NF1: variants seen among roughly 807,000 people sequenced by gnomAD.
NF1 encodes the protein neurofibromin.
NF1 carries 122 observed loss-of-function variants against 325.7 expected under a neutral mutation model. The ratio of observed to expected loss-of-function variants is 0.37; its 90% CI spans 0.32 to 0.44. The LOEUF (loss-of-function observed/expected upper bound fraction) is 0.44, where lower values mean the gene tolerates loss of function less well. NF1 is among the 20% of genes least tolerant of loss of function. The pLI is 1.00. For missense variants in NF1, 2,140 were observed against 3,415.4 expected, an observed-to-expected ratio of 0.63 and a Z score of 9.31; for synonymous variants, 1,091 against 1,186.0, an observed-to-expected ratio of 0.92 and a Z score of 1.65.
chr17:31,159,207 G>A (rs1037837281), intron 3 of NF1, 114 bp downstream of exon 3: 5 of 755,958 alleles, frequency 6.6e-6, no homozygotes, highest in South Asian at 1.5e-5. Flanking sequence ...TTTTGTCTGA[G>A]ACATATAAAT....
chr17:31,125,609 T>C (rs1040698237), intron 1 of NF1, among the ~76,000 whole-genome samples: 4 of 152,078 alleles, frequency 2.6e-5, no homozygotes, highest in Non-Finnish European at 4.4e-5. Context: ...CGATCTGGAC[T>C]CACTGCAACC....
intron 1 of NF1, among the ~76,000 whole-genome samples, chr17:31,113,310 C>G (rs1384328962): frequency 6.6e-6 from 1 of 152,172 alleles, no homozygotes; most frequent in African/African-American, 2.4e-5. Flanking sequence ...GGGTCTTGCT[C>G]TGTCCCCTAG....
At chr17:31,180,150 C>CT (rs2066100310) in intron 5 of NF1, among the ~76,000 whole-genome samples, 1 of 152,196 alleles carries the variant, frequency 6.6e-6, no homozygotes, top group Non-Finnish European at 1.5e-5. Context: ...GATGGATTCA[C>CT]AGCCAGATTC....
At chr17:31,156,150 T>C in intron 2 of NF1, 24 bp downstream of exon 2, 1 of 1,612,668 alleles carries the variant, frequency 6.2e-7, no homozygotes, top group Non-Finnish European at 8.5e-7. Context: ...TTACTGTGTT[T>C]TGGGGAATTT....
chr17:31,330,567 T>G, intron 39 of NF1, 69 bp downstream of exon 39: 1 of 1,235,684 alleles, frequency 8.1e-7, no homozygotes, highest in African/African-American at 1.5e-5. Context: ...CCCTTTCATT[T>G]CAGAATTTTC....
chr17:31,211,193 A>G (rs994331763), intron 12 of NF1, among the ~76,000 whole-genome samples: 2 of 152,202 alleles, frequency 1.3e-5, no homozygotes, highest in Non-Finnish European at 2.9e-5. Flanking sequence ...TGGCCAGATC[A>G]CATGTACCAG....
rs148276474 is a variant in NF1, at chr17:31,304,952, T to C, written c.4836-20868T>C. 1.2e-4 allele frequency: 199 copies of C among 1,614,056 alleles called. No individual in the cohort carries two copies. Among genetic ancestry groups the C allele is most frequent in the Non-Finnish European group, 1.6e-4 (183 of 1,180,032 alleles). ...AAGCATTTCCAAAGTACAATGATGA[T>C]TATAGCTACCAACATAGAAGTCAGA... On this transcript the variant is annotated intron_variant, in intron 36 of 57. Coordinates refer to ENST00000358273, the MANE Select transcript of NF1 (RefSeq NM_001042492.3).
chr17:31,270,747 T>C (rs2067878411), intron 36 of NF1, among the ~76,000 whole-genome samples: 1 of 152,222 alleles, frequency 6.6e-6, no homozygotes, highest in African/African-American at 2.4e-5. Flanking sequence ...ATTTCCTAAG[T>C]GCTTTCTCTG....
rs2151429035 is a variant in NF1, at chr17:31,229,135, G to A, written c.2520G>A (p.Met840Ile). 1 of 1,611,858 alleles carries A rather than the reference G, an allele frequency of 6.2e-7. No individual in the cohort carries two copies. Among genetic ancestry groups the A allele is most frequent in the Non-Finnish European group, 8.5e-7 (1 of 1,179,792 alleles). Residue 840 changes from methionine (M) to isoleucine (I), a missense_variant, in exon 21 of 58, where the codon ATG (methionine) becomes ATA (isoleucine). Transcript: ENST00000358273. Reference protein sequence around the residue: ...DTDSLQEWINMTGFLCALGGV... With the variant: ...DTDSLQEWINITGFLCALGGV... ...ACTCCCTACAGGAATGGATCAACAT[G>A]ACTGGCTTCCTTTGTGCCCTTGGGG...
chr17:31,187,112 A>G lies in NF1; in HGVS notation c.888+4447A>G, dbSNP rs28788629. Among the ~76,000 whole-genome samples the G allele has an allele frequency of 7.6e-3, 1,164 of 152,298 alleles. 19 individuals carry two copies. The highest frequency in any genetic ancestry group is 0.027 in the African/African-American group (1,120 of 41,552). On this transcript the variant is annotated intron_variant, in intron 8 of 57. Coordinates refer to ENST00000358273, the MANE Select transcript of NF1 (RefSeq NM_001042492.3). ...CAAAGGCCTTACCCACCATCATGGT[A>G]TTCCACACAGCATTGCCTCTGACCA...
intron 57 of NF1, among the ~76,000 whole-genome samples, chr17:31,370,927 C>A (rs1045469342): frequency 2.6e-5 from 4 of 151,942 alleles, no homozygotes; most frequent in African/African-American, 9.7e-5. Flanking sequence ...AATTACTGGA[C>A]TTGAAACTTG....
At chr17:31,264,782 C>G (rs2067756502) in intron 35 of NF1, among the ~76,000 whole-genome samples, 2 of 152,048 alleles carry the variant, frequency 1.3e-5, no homozygotes, top group Admixed American at 6.5e-5. Flanking sequence ...GATGGACTTT[C>G]AATAAATGGT....
At chr17:31,263,113 AGATAGAT>A (rs2067720509) in intron 35 of NF1, among the ~76,000 whole-genome samples, 1 of 81,578 alleles carries the variant, frequency 1.2e-5, no homozygotes, top group African/African-American at 4.0e-5. Context: ...GTAGGTAGAT[AGATAGAT>A]AGATAAGATA....
At chr17:31,305,722 A>G in intron 36 of NF1, 1 of 1,066,142 alleles carries the variant, frequency 9.4e-7, no homozygotes, top group South Asian at 1.6e-5. Context: ...CCTGGCATAA[A>G]GTAGGTAGAC....
chr17:31,109,573 G>A (rs1028163627), intron 1 of NF1, among the ~76,000 whole-genome samples: 4 of 151,884 alleles, frequency 2.6e-5, no homozygotes, highest in African/African-American at 4.8e-5. Context: ...TAATAGAGAA[G>A]GTGTTTCACT....
At chr17:31,343,758 C>G (rs550495214) in intron 48 of NF1, among the ~76,000 whole-genome samples, 1 of 152,042 alleles carries the variant, frequency 6.6e-6, no homozygotes, top group Non-Finnish European at 1.5e-5. Flanking sequence ...GAGTTCGAGA[C>G]CAGCCTGGGC....
chr17:31,197,451 C>T (rs1412174051), intron 8 of NF1, among the ~76,000 whole-genome samples: 2 of 148,596 alleles, frequency 1.3e-5, no homozygotes, highest in Admixed American at 1.4e-4. Context: ...AATCTAGGAA[C>T]GTGAGATATC....
At chr17:31,182,417 C>A in intron 7 of NF1, 91 bp from the exon 8 acceptor site, 1 of 1,233,386 alleles carries the variant, frequency 8.1e-7, no homozygotes, top group South Asian at 1.3e-5. Context: ...AAAAATGTTG[C>A]CCTTGGGTTT....
At chr17:31,316,692 A>T (rs1379807722) in intron 36 of NF1, among the ~76,000 whole-genome samples, 1 of 152,122 alleles carries the variant, frequency 6.6e-6, no homozygotes, top group African/African-American at 2.4e-5. Flanking sequence ...CCCTCAAAAG[A>T]TAACCTGATT....
Sources: allele counts gnomAD v4.1 joint callset (sites outside exome capture counted in the v4.1 genomes callset), GRCh38; gene constraint gnomAD v4.1.1; transcripts MANE v1.5; gene names NCBI Gene and HGNC (gene_info 2026-07-23, HGNC 2026-07-21).